Variants in PACSIN2 observed in about 807,000 individuals in gnomAD.
PACSIN2 encodes the protein protein kinase C and casein kinase substrate in neurons protein 2.
PACSIN2 carries 25 observed loss-of-function variants against 63.8 expected under a neutral mutation model. The ratio of observed to expected loss-of-function variants is 0.39; its 90% CI spans 0.29 to 0.55. The LOEUF is 0.55. Ranked by LOEUF, PACSIN2 falls within the 20% of genes least tolerant of loss-of-function variation. PACSIN2 has a pLI of 0.62. For synonymous variants in PACSIN2, 255 were observed against 256.2 expected (o/e 1.00, Z 0.05); for missense variants, 518 against 646.9 (o/e 0.80, Z 2.16).
At chr22:43,003,953 T>C (rs574037906) in intron 1 of PACSIN2, among the ~76,000 whole-genome samples, 55 of 152,300 alleles carry the variant, frequency 3.6e-4, no homozygotes, top group Non-Finnish European at 5.9e-4. Flanking sequence ...GTGTAAATGG[T>C]TGTAAACTTT....
chr22:42,988,036 G>C (rs1922761161), intron 1 of PACSIN2, among the ~76,000 whole-genome samples: 1 of 152,032 alleles, frequency 6.6e-6, no homozygotes, highest in Non-Finnish European at 1.5e-5. Flanking sequence ...AGCTACTTGG[G>C]AGGCTGAGGT....
intron 1 of PACSIN2, among the ~76,000 whole-genome samples, chr22:42,915,388 G>C (rs1405027546): frequency 2.0e-5 from 3 of 152,206 alleles, no homozygotes; most frequent in African/African-American, 7.2e-5. Context: ...TGGTGGCAGA[G>C]CTGGGAAAGG....
intron 1 of PACSIN2, among the ~76,000 whole-genome samples, chr22:42,952,172 C>T (rs5759054): frequency 0.32 from 48,408 of 152,072 alleles, 9,166 homozygotes; most frequent in Non-Finnish European, 0.43. Context: ...CTTGTTTGCC[C>T]GTGTTCCTAC....
At chr22:42,968,208 C>T (rs1049832934) in intron 1 of PACSIN2, among the ~76,000 whole-genome samples, 27 of 152,140 alleles carry the variant, frequency 1.8e-4, no homozygotes, top group African/African-American at 6.0e-4. Flanking sequence ...GTGATTGCAA[C>T]GGCTCCTCCC....
chr22:42,940,740 A>T (rs751408321), intron 1 of PACSIN2, among the ~76,000 whole-genome samples: 1 of 152,216 alleles, frequency 6.6e-6, no homozygotes, highest in Non-Finnish European at 1.5e-5. Flanking sequence ...ACAATTTAGG[A>T]GGCTCAAAAA....
chr22:42,883,222 C>T (rs1265398333), intron 6 of PACSIN2, among the ~76,000 whole-genome samples: 1 of 152,202 alleles, frequency 6.6e-6, no homozygotes, highest in East Asian at 1.9e-4. Context: ...GCCAGCAGAG[C>T]AGCCTCGGGC....
intron 1 of PACSIN2, among the ~76,000 whole-genome samples, chr22:42,945,200 C>T (rs755609933): frequency 7.5e-6 from 1 of 133,042 alleles, no homozygotes; most frequent in African/African-American, 2.9e-5. Context: ...GATGTACGCA[C>T]CGGCAATTAC....
intron 1 of PACSIN2, among the ~76,000 whole-genome samples, chr22:42,966,633 C>T (rs1569333697): frequency 1.3e-5 from 2 of 152,154 alleles, no homozygotes; most frequent in Admixed American, 1.3e-4. Context: ...CTTGAAAGCA[C>T]CAATGTGATA....
At chr22:43,002,587 A>AT (rs1329644275) in intron 1 of PACSIN2, 1 of 151,970 alleles carries the variant, frequency 6.6e-6, no homozygotes, top group African/African-American at 2.4e-5. Context: ...AAGAATCCCC[A>AT]TTTTTTCACC....
At chr22:42,952,966 C>T (rs1473213470) in intron 1 of PACSIN2, among the ~76,000 whole-genome samples, 3 of 152,032 alleles carry the variant, frequency 2.0e-5, no homozygotes, top group Non-Finnish European at 4.4e-5. Context: ...ATGCCCAGCC[C>T]TTAAAGGATA....
intron 1 of PACSIN2, among the ~76,000 whole-genome samples, chr22:42,953,606 T>C (rs1248230833): frequency 6.6e-6 from 1 of 152,218 alleles, no homozygotes; most frequent in Non-Finnish European, 1.5e-5. Flanking sequence ...ATTTGAGAGC[T>C]ATATATTTAA....
chr22:42,933,633 C>G (rs1932827935), intron 1 of PACSIN2, among the ~76,000 whole-genome samples: 2 of 152,312 alleles, frequency 1.3e-5, no homozygotes, highest in Non-Finnish European at 2.9e-5. Context: ...GGAAGTGGCT[C>G]CACACAGATG....
chr22:42,884,551 T>C lies in PACSIN2; in HGVS notation c.620A>G (p.Lys207Arg), dbSNP rs755583774. The change falls in exon 6 of 11, where the codon AAG becomes AGG. Residue 207 changes from lysine to arginine, a missense_variant. Lys to Arg is a conservative substitution (Grantham distance 26). Around this residue, in one of 2 missense-constraint regions of PACSIN2, gnomAD observed 507 missense variants for 612.3 expected, o/e 0.83. Coordinates refer to ENST00000263246, the MANE Select transcript of PACSIN2 (RefSeq NM_001184970.3). ...GAGTTCCTTCAGGGACTTCTCATAC[T>C]TCTCTTTGGTCTAAAGGAAAATCCA... ...CKQDVLKTKE[K>R]YEKSLKELDQ... 1.5e-5 allele frequency: 24 copies of C among 1,613,572 alleles called. 3 individuals carry two copies. The Admixed American group carries it at 1.8e-4, about 12-fold the overall frequency.
chr22:42,904,272 C>T (rs1286320326), intron 2 of PACSIN2, among the ~76,000 whole-genome samples: 2 of 152,256 alleles, frequency 1.3e-5, no homozygotes, highest in Non-Finnish European at 1.5e-5. Flanking sequence ...ATGGCGTTCA[C>T]ATGCACAGCA....
intron 1 of PACSIN2, among the ~76,000 whole-genome samples, chr22:42,932,280 C>T (rs1171070535): frequency 6.6e-6 from 1 of 152,168 alleles, no homozygotes; most frequent in East Asian, 1.9e-4. Context: ...ATGGCCGGCT[C>T]CCCCTCACAC....
At chr22:42,934,240 C>G (rs2146782917) in intron 1 of PACSIN2, among the ~76,000 whole-genome samples, 1 of 152,348 alleles carries the variant, frequency 6.6e-6, no homozygotes, top group East Asian at 1.9e-4. Flanking sequence ...AAATTCAAAA[C>G]ATATAACCGA....
At chr22:43,012,711 G>A (rs1179236178) in intron 1 of PACSIN2, among the ~76,000 whole-genome samples, 2 of 151,544 alleles carry the variant, frequency 1.3e-5, no homozygotes, top group Non-Finnish European at 2.9e-5. Context: ...GGAGTGCAAC[G>A]GCCGGATCTT....
chr22:42,900,060 G>C (rs916020030), intron 2 of PACSIN2, among the ~76,000 whole-genome samples: 6 of 152,034 alleles, frequency 3.9e-5, no homozygotes, highest in African/African-American at 1.5e-4. Context: ...TGAAGTCTTG[G>C]CTCCTTTTCC....
intron 2 of PACSIN2, among the ~76,000 whole-genome samples, chr22:42,895,206 G>T (rs534790191): frequency 1.3e-5 from 2 of 152,366 alleles, no homozygotes; most frequent in Non-Finnish European, 2.9e-5. Flanking sequence ...CTGTGAGGAA[G>T]TCGGAAGTGA....
Sources: gnomAD v4.1 joint callset for allele counts (sites outside exome capture counted in the v4.1 genomes callset) on GRCh38, gnomAD v4.1.1 for gene constraint, gnomAD v4.1.1 regional missense constraint, MANE v1.5 for transcripts, NCBI Gene and HGNC (gene_info 2026-07-23, HGNC 2026-07-21) for gene names.